The following MTHFD2L variants were observed in gnomAD, a reference collection of about 807,000 sequenced individuals.
MTHFD2L encodes the protein bifunctional methylenetetrahydrofolate dehydrogenase/cyclohydrolase 2, mitochondrial.
In MTHFD2L, 29 loss-of-function variants were observed where a neutral mutation model predicts 34.9. The ratio of observed to expected loss-of-function variants is 0.83; its 90% CI spans 0.62 to 1.13. The LOEUF (loss-of-function observed/expected upper bound fraction) is 1.13. MTHFD2L is among the 50% of genes most tolerant of loss of function. The pLI is 0.00. For missense variants in MTHFD2L, 481 were observed against 446.5 expected (o/e 1.08, Z -0.70); for synonymous variants, 167 against 155.7 (o/e 1.07, Z -0.54).
chr4:74,119,342 C>T (rs942124078), upstream of MTHFD2L, among the ~76,000 whole-genome samples: 2 of 152,172 alleles, frequency 1.3e-5, no homozygotes, highest in Non-Finnish European at 2.9e-5. Flanking sequence ...ACACTTGTCT[C>T]AATCAGTTTT....
At chr4:74,294,601 C>T (rs1052073443) in intron 7 of MTHFD2L, among the ~76,000 whole-genome samples, 1 of 152,028 alleles carries the variant, frequency 6.6e-6, no homozygotes, top group Non-Finnish European at 1.5e-5. Flanking sequence ...AATTTATGCA[C>T]CCTGTCATCT....
At chr4:74,118,682 G>C (rs1721697531), upstream of MTHFD2L, among the ~76,000 whole-genome samples, 1 of 152,178 alleles carries the variant, frequency 6.6e-6, no homozygotes, top group Non-Finnish European at 1.5e-5. Context: ...ATGTGAGCAG[G>C]GATCCCCAAA....
chr4:74,155,929 T>C (rs368222467), upstream of MTHFD2L, among the ~76,000 whole-genome samples: 1 of 152,044 alleles, frequency 6.6e-6, no homozygotes, highest in South Asian at 2.1e-4. Flanking sequence ...AAAAAACACT[T>C]TTACACATCT....
In MTHFD2L at chr4:74,205,588, T is replaced by A. The variant is rs140113542; in HGVS notation, c.712+4218T>A. 4.7e-3 allele frequency among the ~76,000 whole-genome samples: 712 copies of A among 152,228 alleles called. 9 individuals carry two copies. Among genetic ancestry groups the A allele is most frequent in the African/African-American group, 0.017 (690 of 41,536 alleles). On this transcript the variant is annotated intron_variant, in intron 5 of 7. Transcript: ENST00000325278. ...TGGATCCTAGCTGTTTCTTGAGTAT[T>A]TTTTTTAATTCCCCAAGGGCTTGAA...
At position 74,234,402 on chromosome 4, in the gene MTHFD2L, T is replaced by C. The variant is rs188694423; in HGVS notation, c.805+9008T>C. On this transcript the variant is annotated intron_variant, in intron 6 of 7. Coordinates refer to ENST00000325278, the MANE Select transcript of MTHFD2L (RefSeq NM_001144978.3). ...TAACTTGCTTTGTTTTGACTAATGC[T>C]ATGACTTTCAAGTTTGCCCATGCTA... Among the ~76,000 whole-genome samples the C allele has an allele frequency of 2.6e-5, 4 of 152,222 alleles. No homozygotes were observed. The East Asian group carries it at 7.7e-4, about 29-fold the overall frequency.
chr4:74,249,993 G>A (rs889973181), intron 6 of MTHFD2L, among the ~76,000 whole-genome samples: 7 of 134,920 alleles, frequency 5.2e-5, no homozygotes, highest in Admixed American at 3.3e-4. Context: ...TCTTTGTGGC[G>A]TTCTGTGTAT....
rs189811602 is a variant in MTHFD2L, at chr4:74,184,966, G to A, written c.451+9563G>A. 2.0e-3 allele frequency among the ~76,000 whole-genome samples: 297 copies of A among 151,718 alleles called. 1 individual carries two copies. Among genetic ancestry groups the A allele is most frequent in the African/African-American group, 6.9e-3 (287 of 41,364 alleles). ...AGATCGAGACCGTCCTGGCTAACAC[G>A]GTGAAACCCCGTCTCTACTAAAAAT... On this transcript the variant is annotated intron_variant, in intron 3 of 7. Transcript: ENST00000325278.
At chr4:74,231,328 C>T (rs1476019107) in intron 6 of MTHFD2L, among the ~76,000 whole-genome samples, 5 of 151,906 alleles carry the variant, frequency 3.3e-5, no homozygotes, top group South Asian at 2.1e-4. Context: ...AAACAGGGTT[C>T]GTAATTTTCA....
Position 74,302,971 on chromosome 4 carries a change from G to A in MTHFD2L, c.*1162G>A, listed in dbSNP as rs192057460. Reference sequence around the variant, plus strand: ...TATGCCCAAATCCCAGTATGTTTATGTACCAATAATGACTCTTACCCAGCG... The same window carrying A: ...TATGCCCAAATCCCAGTATGTTTATATACCAATAATGACTCTTACCCAGCG... On this transcript the variant is annotated 3_prime_UTR_variant, in exon 8 of 8. Coordinates refer to ENST00000325278, the MANE Select transcript of MTHFD2L (RefSeq NM_001144978.3). 6.6e-5 allele frequency: 10 copies of A among 152,180 alleles called. No individual in the cohort carries two copies. Among genetic ancestry groups the A allele is most frequent in the Admixed American group, 1.3e-4 (2 of 15,278 alleles). The allele number at this position is 152,180 out of a possible 1,614,324, so 9.4% of individuals were successfully genotyped here. A position where few individuals can be genotyped will look rare whatever the true frequency, so the allele number is the denominator to read the frequency against.
intron 6 of MTHFD2L, among the ~76,000 whole-genome samples, chr4:74,264,466 C>A (rs987581374): frequency 6.6e-6 from 1 of 151,316 alleles, no homozygotes; most frequent in African/African-American, 2.4e-5. Context: ...CTCCCTTATT[C>A]GATTACCATG....
At chr4:74,191,907 T>C (rs889265962) in intron 3 of MTHFD2L, among the ~76,000 whole-genome samples, 8 of 152,128 alleles carry the variant, frequency 5.3e-5, no homozygotes, top group Non-Finnish European at 1.2e-4. Flanking sequence ...GGATCAGACA[T>C]ATTTTCCTTA....
chr4:74,201,406 A>G, intron 5 of MTHFD2L, 36 bp downstream of exon 5: 2 of 1,464,160 alleles, frequency 1.4e-6, no homozygotes, highest in Non-Finnish European at 1.9e-6. Flanking sequence ...ACTCTCTCGC[A>G]GTATTCTTAC....
chr4:74,236,143 A>T (rs1221392936), intron 6 of MTHFD2L, among the ~76,000 whole-genome samples: 1 of 152,160 alleles, frequency 6.6e-6, no homozygotes, highest in Non-Finnish European at 1.5e-5. Flanking sequence ...AATTTCTATT[A>T]TCTGACTTGT....
intron 1 of MTHFD2L, among the ~76,000 whole-genome samples, chr4:74,166,963 G>C (rs1429757467): frequency 6.6e-6 from 1 of 152,112 alleles, no homozygotes; most frequent in Non-Finnish European, 1.5e-5. Flanking sequence ...AGTCCCCACA[G>C]ACTTGGGACC....
chr4:74,189,374 G>T (rs921032831), intron 3 of MTHFD2L, among the ~76,000 whole-genome samples: 1 of 151,612 alleles, frequency 6.6e-6, no homozygotes, highest in South Asian at 2.1e-4. Context: ...TCAGAGGGAG[G>T]TTTATATCAA....
intron 3 of MTHFD2L, chr4:74,190,470 G>A: frequency 1.0e-6 from 1 of 985,344 alleles, no homozygotes; most frequent in African/African-American, 1.7e-5. Context: ...CTGTAGGAGA[G>A]GCTCAGAAGG....
chr4:74,281,830 T>C (rs1015138421), intron 7 of MTHFD2L, among the ~76,000 whole-genome samples: 4 of 152,086 alleles, frequency 2.6e-5, no homozygotes, highest in Non-Finnish European at 5.9e-5. Context: ...ACAGTTTTTA[T>C]TGATAGAATA....
In MTHFD2L at chr4:74,177,633, C is replaced by CT. The variant is rs1436507281; in HGVS notation, c.451+2232dup. Among the ~76,000 whole-genome samples, 5 of 151,970 alleles carry CT rather than the reference C, an allele frequency of 3.3e-5. No individual in the cohort carries two copies. In the South Asian group the frequency reaches 8.3e-4, roughly 25 times the overall value. ...GTCAAGGATGTAGAGAAAAGGAACC[C>CT]TTGCTCACTGCTGTTTAGAATGTAA... On this transcript the variant is annotated intron_variant, in intron 3 of 7. Transcript: ENST00000325278.
At chr4:74,130,419 A>C (rs188955618) in intron 1 of MTHFD2L, among the ~76,000 whole-genome samples, 4 of 152,332 alleles carry the variant, frequency 2.6e-5, no homozygotes, top group Admixed American at 1.3e-4. Flanking sequence ...CCTGAGATGC[A>C]AGGCTGGTTC....
Sources: gnomAD v4.1 joint callset for allele counts (sites outside exome capture counted in the v4.1 genomes callset) on GRCh38, gnomAD v4.1.1 for gene constraint, MANE v1.5 for transcripts, NCBI Gene and HGNC (gene_info 2026-07-23, HGNC 2026-07-21) for gene names.